The following SEMA5A variants were observed in gnomAD, a reference collection of about 807,000 sequenced individuals.
The protein encoded by SEMA5A is semaphorin 5A.
A neutral mutation model predicts 135.5 loss-of-function variants in SEMA5A; 55 were observed. The observed-to-expected ratio is 0.41, with a 90% confidence interval of 0.33 to 0.51. SEMA5A has a LOEUF of 0.51. Ranked by LOEUF, SEMA5A falls within the 20% of genes least tolerant of loss-of-function variation. The pLI is 0.37. For missense variants in SEMA5A, 1,290 were observed against 1,419.9 expected (o/e 0.91, Z 1.47); for synonymous variants, 580 against 546.5 (o/e 1.06, Z -0.85).
chr5:9,122,939 G>C (rs982401607), intron 13 of SEMA5A, 102 bp from the exon 14 acceptor site: 4 of 1,097,976 alleles, frequency 3.6e-6, no homozygotes, highest in Non-Finnish European at 5.0e-6. Flanking sequence ...AACTCCTCTA[G>C]AATTTGTTGT....
At chr5:9,475,821 T>C (rs954536387) in intron 1 of SEMA5A, among the ~76,000 whole-genome samples, 3 of 152,200 alleles carry the variant, frequency 2.0e-5, no homozygotes, top group Admixed American at 2.0e-4. Context: ...TGATTTTGAT[T>C]AAAAGTGTTC....
In SEMA5A at chr5:9,196,326, C is replaced by A. The variant is rs73044750; in HGVS notation, c.1068+842G>T. ...TGGTCCAGTGGAGCTGGTGCCCTTA[C>A]AAAACAGGAAGAGATACCCCAAAGG... On this transcript the variant is annotated intron_variant, in intron 10 of 22. Transcript: ENST00000382496. Among the ~76,000 whole-genome samples, 237 of 152,162 alleles carry A rather than the reference C, an allele frequency of 1.6e-3. 2 individuals carry two copies. Among genetic ancestry groups the A allele is most frequent in the African/African-American group, 5.5e-3 (230 of 41,506 alleles).
At chr5:9,290,084 A>T (rs572589951) in intron 5 of SEMA5A, among the ~76,000 whole-genome samples, 205 of 152,296 alleles carry the variant, frequency 1.3e-3, no homozygotes, top group Non-Finnish European at 2.1e-3. Flanking sequence ...TTTTTTGGAA[A>T]CAGGTGGTGT....
intron 16 of SEMA5A, among the ~76,000 whole-genome samples, chr5:9,081,532 G>T (rs967080050): frequency 1.3e-5 from 2 of 149,248 alleles, no homozygotes; most frequent in South Asian, 2.1e-4. Flanking sequence ...TTATCCTCTC[G>T]CTATGATATT....
chr5:9,154,093 A>ATGTGTGTGTGTGTGTG (rs1553993817), intron 12 of SEMA5A, among the ~76,000 whole-genome samples: 2 of 73,508 alleles, frequency 2.7e-5, no homozygotes, highest in African/African-American at 5.6e-5. Context: ...ATATATATAT[A>ATGTGTGTGTGTGTGTG]TGTGTGTGTG....
intron 5 of SEMA5A, among the ~76,000 whole-genome samples, chr5:9,258,638 C>T (rs923249255): frequency 3.3e-5 from 5 of 152,016 alleles, no homozygotes; most frequent in Admixed American, 6.6e-5. Context: ...CTCATTTTTC[C>T]TCATTGCTTG....
chr5:9,088,565 T>C (rs769360223), intron 16 of SEMA5A, among the ~76,000 whole-genome samples: 3 of 148,430 alleles, frequency 2.0e-5, no homozygotes, highest in Non-Finnish European at 4.5e-5. Context: ...GGGAATGAGA[T>C]GCATGGTTGT....
chr5:9,109,768 G>GACACAGCTCAGGATGTGCAAATAA (rs1180575004), intron 15 of SEMA5A, among the ~76,000 whole-genome samples: 7 of 152,146 alleles, frequency 4.6e-5, no homozygotes, highest in Non-Finnish European at 7.3e-5. Flanking sequence ...CAGGGACATG[G>GACACAGCTCAGGATGTGCAAATAA]ACACAGCTCA....
intron 1 of SEMA5A, among the ~76,000 whole-genome samples, chr5:9,500,913 T>G (rs2126820445): frequency 6.6e-6 from 1 of 152,348 alleles, no homozygotes; most frequent in South Asian, 2.1e-4. Context: ...GTTGACTGTA[T>G]GAGAATCTTT....
At chr5:9,148,166 A>G (rs12189232) in intron 12 of SEMA5A, among the ~76,000 whole-genome samples, 78,620 of 152,102 alleles carry the variant, frequency 0.52, 20,657 homozygotes, top group Non-Finnish European at 0.56. Context: ...CATGGTGTTC[A>G]GAAAATATTA....
intron 2 of SEMA5A, among the ~76,000 whole-genome samples, chr5:9,393,001 C>T (rs1465971169): frequency 1.3e-5 from 2 of 152,166 alleles, no homozygotes; most frequent in Non-Finnish European, 2.9e-5. Flanking sequence ...ATTAGCTTCC[C>T]CTAAAGCATC....
At position 9,204,716 on chromosome 5, in the gene SEMA5A, C is replaced by T. The variant is rs143686403; in HGVS notation, c.647-2476G>A. 2.6e-3 allele frequency among the ~76,000 whole-genome samples: 395 copies of T among 152,178 alleles called. 2 individuals are homozygous for T. The highest frequency in any genetic ancestry group is 9.0e-3 in the African/African-American group (375 of 41,508). ...ATGGAAAGTCCTGAATCCATTAGAC[C>T]GGGGGTCACCAACCCCCAGGACATG... On this transcript the variant is annotated intron_variant, in intron 8 of 22. Transcript: ENST00000382496. The surrounding 1 kb of genome is among the most constrained non-coding windows in gnomAD (Gnocchi z 6.4).
intron 10 of SEMA5A, among the ~76,000 whole-genome samples, chr5:9,196,619 T>C (rs1441028426): frequency 6.6e-6 from 1 of 152,122 alleles, no homozygotes; most frequent in African/African-American, 2.4e-5. Flanking sequence ...CACTGGGAGA[T>C]GGATGACTCA....
chr5:9,208,295 T>C (rs1746159671), intron 8 of SEMA5A, among the ~76,000 whole-genome samples: 1 of 152,224 alleles, frequency 6.6e-6, no homozygotes, highest in Non-Finnish European at 1.5e-5. Context: ...CCATCAAGCC[T>C]GAAACCAAAC....
At chr5:9,050,845 G>A (rs1190622887) in intron 20 of SEMA5A, among the ~76,000 whole-genome samples, 2 of 152,196 alleles carry the variant, frequency 1.3e-5, no homozygotes, top group African/African-American at 4.8e-5. Context: ...AGCCAGTGTT[G>A]TCACCTTCCC....
chr5:9,123,999 G>A (rs1297783843), intron 13 of SEMA5A, among the ~76,000 whole-genome samples: 1 of 152,090 alleles, frequency 6.6e-6, no homozygotes, highest in Non-Finnish European at 1.5e-5. Flanking sequence ...CAAGTAGAGG[G>A]GCTAGCAAGG....
rs56269546 is a variant in SEMA5A at position 9,513,068 on chromosome 5, A to AATATATAT, written c.-175+32508_-175+32515dup. On this transcript the variant is annotated intron_variant, in intron 1 of 22. Transcript: ENST00000382496. ...AAATGAGATGCAAATATATATATAT[A>AATATATAT]ATATATATATATATATATGCAAGCT... 5.1e-4 allele frequency among the ~76,000 whole-genome samples: 74 copies of AATATATAT among 143,708 alleles called. No individual in the cohort carries two copies. In the South Asian group the frequency reaches 7.0e-3, roughly 14 times the overall value. 94.3% of individuals were successfully genotyped at this position (143,708 alleles called of 152,430 possible).
In SEMA5A at chr5:9,038,281, G is replaced by T. The variant is rs1735761476; in HGVS notation, c.*4616C>A. The T allele has an allele frequency of 6.6e-6, 1 of 152,196 alleles. No individual in the cohort carries two copies. Among genetic ancestry groups the T allele is most frequent in the South Asian group, 2.1e-4 (1 of 4,828 alleles). The allele number at this position is 152,196 out of a possible 1,614,324, so 9.4% of individuals were successfully genotyped here. On this transcript the variant is annotated 3_prime_UTR_variant, in exon 23 of 23. Transcript: ENST00000382496. ...TGGGGCTTAAGCACAGCCCTGCCAT[G>T]TGGAAAATGGTTATGCAGTCGCTGT...
chr5:9,341,104 A>G (rs1462225083), intron 3 of SEMA5A, among the ~76,000 whole-genome samples: 1 of 152,002 alleles, frequency 6.6e-6, no homozygotes, highest in Admixed American at 6.6e-5. Flanking sequence ...CCTTGTTATT[A>G]TAGCTTCAAA....
Sources: gnomAD v4.1 joint callset for allele counts (sites outside exome capture counted in the v4.1 genomes callset) on GRCh38, gnomAD v4.1.1 for gene constraint, Gnocchi (gnomAD v3.1) non-coding constraint, MANE v1.5 for transcripts, NCBI Gene and HGNC (gene_info 2026-07-23, HGNC 2026-07-21) for gene names.